Variants in CDC14B observed in about 807,000 individuals in gnomAD.
CDC14B encodes cell division cycle 14B.
In CDC14B, 22 loss-of-function variants were observed where a neutral mutation model predicts 64.2. The ratio of observed to expected loss-of-function variants is 0.34; its 90% CI spans 0.24 to 0.49. The LOEUF (loss-of-function observed/expected upper bound fraction) is 0.49, where lower values mean the gene tolerates loss of function less well. CDC14B is among the 20% of genes least tolerant of loss of function. The pLI is 0.99. For synonymous variants in CDC14B, 191 were observed against 215.8 expected (o/e 0.89, Z 1.01); for missense variants, 498 against 629.9 (o/e 0.79, Z 2.24).
chr9:96,612,567 G>A (rs1847388467), intron 1 of CDC14B, among the ~76,000 whole-genome samples: 1 of 152,220 alleles, frequency 6.6e-6, no homozygotes, highest in Admixed American at 6.5e-5. Context: ...GGTTTCCCCA[G>A]TGTCCTCATG....
rs10820739 is a variant in CDC14B at position 96,501,539 on chromosome 9, A to G, written c.*2214T>C. 38,944 of 152,404 alleles carry G rather than the reference A, an allele frequency of 0.26. 6,670 individuals are homozygous for G. The highest frequency in any genetic ancestry group is 0.49 in the African/African-American group (20,346 of 41,468). The allele number at this position is 152,404 out of a possible 1,614,324, so 9.4% of individuals were successfully genotyped here. On this transcript the variant is annotated 3_prime_UTR_variant, in exon 14 of 14. Transcript: ENST00000375241. ...TTCCTGGATGCTAGAGACAGTCCTC[A>G]TAAGTGTAACACTGCCCTTGCTATG...
chr9:96,542,031 T>C (rs541776105), intron 5 of CDC14B, 139 bp from the exon 6 acceptor site: 139 of 500,524 alleles, frequency 2.8e-4, no homozygotes, highest in Non-Finnish European at 4.6e-4. Context: ...CCTTTTGACT[T>C]TTAAATAAAA....
downstream of CDC14B, chr9:96,496,380 A>T (rs1272248935): frequency 2.0e-6 from 1 of 499,446 alleles, no homozygotes; most frequent in Non-Finnish European, 4.0e-6. Flanking sequence ...GAGGAGATGG[A>T]CAGCGCTGTA....
Position 96,563,500 on chromosome 9 carries a change from A to T in CDC14B, c.328-715T>A, listed in dbSNP as rs934535231. ...ACTCCGTCTCTACTAAAAATACAAAACTAGCTGGGCGTGGTGGCACATGCC... is the reference window on the plus strand; with the variant it reads ...ACTCCGTCTCTACTAAAAATACAAATCTAGCTGGGCGTGGTGGCACATGCC... On this transcript the variant is annotated intron_variant, in intron 3 of 13. Coordinates refer to ENST00000375241, the MANE Select transcript of CDC14B (RefSeq NM_033331.4). Among the ~76,000 whole-genome samples the T allele has an allele frequency of 4.6e-5, 7 of 152,110 alleles. No individual in the cohort carries two copies. In the East Asian group the frequency reaches 1.4e-3, roughly 29 times the overall value.
chr9:96,586,368 T>G (rs1391833136), intron 1 of CDC14B, among the ~76,000 whole-genome samples: 1 of 152,216 alleles, frequency 6.6e-6, no homozygotes. Flanking sequence ...TGTGGTTAAG[T>G]AGAAAAATTC....
At chr9:96,561,459 C>A (rs1490402610) in intron 4 of CDC14B, among the ~76,000 whole-genome samples, 1 of 151,848 alleles carries the variant, frequency 6.6e-6, no homozygotes, top group Admixed American at 6.6e-5. Context: ...GAAGAAAGAA[C>A]CTAAAGAGCT....
chr9:96,591,927 A>T (rs185105561), intron 1 of CDC14B, among the ~76,000 whole-genome samples: 1 of 152,092 alleles, frequency 6.6e-6, no homozygotes, highest in Non-Finnish European at 1.5e-5. Flanking sequence ...TTGTATTTTT[A>T]GTAGAGATGG....
chr9:96,503,837 C>T (rs773672970), intron 13 of CDC14B, 48 bp from the exon 14 acceptor site: 1 of 1,469,954 alleles, frequency 6.8e-7, no homozygotes, highest in Non-Finnish European at 9.5e-7. Context: ...TACACAGCGT[C>T]CACAGGCAGT....
rs1833625963 is a variant in CDC14B, at chr9:96,502,328, T to G, written c.*1425A>C. 6.6e-6 allele frequency: 1 copy of G among 152,260 alleles called. No individual in the cohort carries two copies. The highest frequency in any genetic ancestry group is 1.5e-5 in the Non-Finnish European group (1 of 68,068). The allele number at this position is 152,260 out of a possible 1,614,324, so 9.4% of individuals were successfully genotyped here. ...ATGGAGGCACTGCCTTTCAATTACT[T>G]TTTGCATTAAAGACTTTTAACTTGT... On this transcript the variant is annotated 3_prime_UTR_variant, in exon 14 of 14. Coordinates refer to ENST00000375241, the MANE Select transcript of CDC14B (RefSeq NM_033331.4).
chr9:96,591,258 A>T (rs1845777946), intron 1 of CDC14B, among the ~76,000 whole-genome samples: 1 of 152,176 alleles, frequency 6.6e-6, no homozygotes, highest in Admixed American at 6.5e-5. Context: ...GGTCTTTAAG[A>T]TACTTTGCAT....
chr9:96,556,782 C>A (rs1167459253), intron 4 of CDC14B, among the ~76,000 whole-genome samples: 1 of 151,932 alleles, frequency 6.6e-6, no homozygotes, highest in African/African-American at 2.4e-5. Context: ...AAAATGAAAT[C>A]TCCTAAATTT....
At chr9:96,542,413 T>C (rs1454080726) in intron 5 of CDC14B, among the ~76,000 whole-genome samples, 2 of 152,196 alleles carry the variant, frequency 1.3e-5, no homozygotes, top group East Asian at 3.8e-4. Flanking sequence ...ACATTTAAAA[T>C]ATTAGGTAGA....
In CDC14B at chr9:96,579,316, A is replaced by G. The variant is rs967282771; in HGVS notation, c.161-13833T>C. On this transcript the variant is annotated intron_variant, in intron 1 of 13. Coordinates refer to ENST00000375241, the MANE Select transcript of CDC14B (RefSeq NM_033331.4). ...AAGATGAGAGATACAGGCCAGGCGC[A>G]GTGGCTCACGCCTGTAATCCCAGCA... 6.6e-5 allele frequency among the ~76,000 whole-genome samples: 10 copies of G among 151,938 alleles called. No homozygotes were observed. In the South Asian group the frequency reaches 1.3e-3, roughly 19 times the overall value.
downstream of CDC14B, among the ~76,000 whole-genome samples, chr9:96,499,685 C>T (rs1488808469): frequency 1.3e-5 from 2 of 152,208 alleles, no homozygotes; most frequent in East Asian, 1.9e-4. Flanking sequence ...AAAGCCCTAA[C>T]CCCAGCCCCT....
intron 1 of CDC14B, among the ~76,000 whole-genome samples, chr9:96,572,596 G>T (rs1418161077): frequency 6.6e-6 from 1 of 151,926 alleles, no homozygotes; most frequent in Non-Finnish European, 1.5e-5. Flanking sequence ...ATTCAGAAAA[G>T]AAATACAAAT....
intron 1 of CDC14B, among the ~76,000 whole-genome samples, chr9:96,579,075 C>T (rs893943795): frequency 6.6e-6 from 1 of 152,088 alleles, no homozygotes; most frequent in South Asian, 2.1e-4. Flanking sequence ...GCCTTGGCCT[C>T]CCAAAGTGCT....
At chr9:96,526,164 G>T (rs1439705027) in intron 9 of CDC14B, among the ~76,000 whole-genome samples, 1 of 152,078 alleles carries the variant, frequency 6.6e-6, no homozygotes, top group African/African-American at 2.4e-5. Context: ...TCAGGAGATT[G>T]AGACCATCCT....
At chr9:96,514,149 C>G (rs906788730) in intron 12 of CDC14B, among the ~76,000 whole-genome samples, 1 of 152,176 alleles carries the variant, frequency 6.6e-6, no homozygotes, top group Non-Finnish European at 1.5e-5. Flanking sequence ...CCAATAACAA[C>G]AGAAGGTATA....
chr9:96,602,051 T>G (rs1846514711), intron 1 of CDC14B, among the ~76,000 whole-genome samples: 1 of 151,968 alleles, frequency 6.6e-6, no homozygotes, highest in Non-Finnish European at 1.5e-5. Flanking sequence ...AGAGCGAGAC[T>G]CAGTCTCAAA....
Sources: allele counts gnomAD v4.1 joint callset (sites outside exome capture counted in the v4.1 genomes callset), GRCh38; gene constraint gnomAD v4.1.1; transcripts MANE v1.5; gene names NCBI Gene and HGNC (gene_info 2026-07-23, HGNC 2026-07-21).